ZDHHC17: variants seen among roughly 807,000 people sequenced by gnomAD.
ZDHHC17 encodes zDHHC palmitoyltransferase 17.
ZDHHC17 carries 40 observed loss-of-function variants against 90.3 expected under a neutral mutation model. That is an observed-to-expected ratio of 0.44 (90% CI 0.34 to 0.58). The LOEUF (loss-of-function observed/expected upper bound fraction) is 0.58, where lower values mean the gene tolerates loss of function less well. Among genes scored for constraint, ZDHHC17 ranks in the 20% least tolerant of loss-of-function variants. The pLI, the probability that ZDHHC17 is intolerant of heterozygous loss-of-function variation, is 0.01. For missense variants in ZDHHC17, 614 were observed against 780.8 expected (o/e 0.79, Z 2.55); for synonymous variants, 235 against 252.4 (o/e 0.93, Z 0.65).
At chr12:76,791,411 G>A (rs1394320299) in intron 1 of ZDHHC17, among the ~76,000 whole-genome samples, 3 of 152,028 alleles carry the variant, frequency 2.0e-5, no homozygotes, top group Admixed American at 2.0e-4. Flanking sequence ...TTCTATGGCT[G>A]TAACAAAATG....
intron 1 of ZDHHC17, among the ~76,000 whole-genome samples, chr12:76,783,103 T>C (rs1451351660): frequency 1.3e-5 from 2 of 152,156 alleles, no homozygotes; most frequent in Non-Finnish European, 2.9e-5. Context: ...AGTAGAAAGT[T>C]AGTCCCCACA....
rs749499823 is a variant in ZDHHC17 at position 76,826,959 on chromosome 12, G to A, written c.949G>A (p.Val317Ile). The change falls in exon 9 of 17, where the codon GTT becomes ATT. Residue 317 changes from valine to isoleucine, a missense_variant. This residue lies in a region of ZDHHC17 where 117 missense variants were observed against 183.6 expected (regional missense o/e 0.64). Transcript: ENST00000426126. ...LGTPFLVIWL[V>I]GFIADLNIDS... ...AACTCCTTTCCTAGTTATTTGGCTG[G>A]TTGGGTTTATAGCAGACCTAAATAT... is the stretch of plus-strand genomic sequence containing the variant. 6 of 1,539,910 alleles carry A rather than the reference G, an allele frequency of 3.9e-6. No individual in the cohort carries two copies. Among genetic ancestry groups the A allele is most frequent in the African/African-American group, 1.4e-5 (1 of 69,752 alleles).
At chr12:76,849,795 G>A (rs1953541202) in intron 16 of ZDHHC17, 2 of 167,498 alleles carry the variant, frequency 1.2e-5, no homozygotes. Flanking sequence ...TTCAGCTTTT[G>A]TGGTGCTGTC....
Position 76,815,938 on chromosome 12 carries a change from T to C in ZDHHC17, c.690T>C (p.His230=), listed in dbSNP as rs754044500. The part of the protein sequence containing the change: ...GDKYHKNTAL[H]WAVLAGNTTV... ...AGTATCACAAAAACACTGCTCTGCA[T>C]TGGGCAGTGCTAGCAGGGAATACCA... Residue 230 remains histidine (H), a synonymous_variant, in exon 7 of 17, where the codon CAT becomes CAC. Coordinates refer to ENST00000426126, the MANE Select transcript of ZDHHC17 (RefSeq NM_015336.4). 3.8e-6 allele frequency: 6 copies of C among 1,585,210 alleles called. No individual in the cohort carries two copies. The highest frequency in any genetic ancestry group is 1.4e-5 in the African/African-American group (1 of 74,060).
intron 5 of ZDHHC17, among the ~76,000 whole-genome samples, chr12:76,810,620 G>T (rs1953008239): frequency 6.6e-6 from 1 of 152,086 alleles, no homozygotes; most frequent in African/African-American, 2.4e-5. Context: ...AGTATTTGTT[G>T]TTGGCAGTCT....
intron 10 of ZDHHC17, among the ~76,000 whole-genome samples, chr12:76,829,166 A>T (rs1243299753): frequency 6.6e-6 from 1 of 152,144 alleles, no homozygotes; most frequent in Non-Finnish European, 1.5e-5. Context: ...AAAACTAAAG[A>T]TAGAACTAAT....
At position 76,809,207 on chromosome 12, in the gene ZDHHC17, A is replaced by C. The variant is rs192325356; in HGVS notation, c.398+87A>C. The C allele has an allele frequency of 1.5e-3, 1,239 of 830,570 alleles. 14 individuals carry two copies. The African/African-American group carries it at 0.021, about 14-fold the overall frequency. 51.5% of individuals were successfully genotyped at this position (830,570 alleles called of 1,614,324 possible). On this transcript the variant is annotated intron_variant, in intron 4 of 16. Coordinates refer to ENST00000426126, the MANE Select transcript of ZDHHC17 (RefSeq NM_015336.4). Reference sequence around the variant, plus strand: ...TTTAAAAAAATGATATACTAAAATGAATAGGAGAGCTTATTATGCCGTTAG... The same window carrying C: ...TTTAAAAAAATGATATACTAAAATGCATAGGAGAGCTTATTATGCCGTTAG...
chr12:76,818,135 T>C lies in ZDHHC17; in HGVS notation c.771+2116T>C, dbSNP rs561105686. On this transcript the variant is annotated intron_variant, in intron 7 of 16. Transcript: ENST00000426126. ...GGAGTGATGGTACTTCTAAAGAAAA[T>C]AAAGTCTAAGGAATTATTGTATTTG... Among the ~76,000 whole-genome samples, 4 of 152,258 alleles carry C rather than the reference T, an allele frequency of 2.6e-5. No homozygotes were observed. In the South Asian group the frequency reaches 8.3e-4, roughly 32 times the overall value.
At position 76,851,583 on chromosome 12, in the gene ZDHHC17, G is replaced by T. The variant is rs1164388534; in HGVS notation, c.*598G>T. 1 of 152,732 alleles carries T rather than the reference G, an allele frequency of 6.5e-6. No individual in the cohort carries two copies. Among genetic ancestry groups the T allele is most frequent in the Non-Finnish European group, 1.5e-5 (1 of 68,128 alleles). 9.5% of individuals were successfully genotyped at this position (152,732 alleles called of 1,614,324 possible). A position where few individuals can be genotyped will look rare whatever the true frequency, so the allele number is the denominator to read the frequency against. ...TAACAATGTTTTGTTTCTATCAGCT[G>T]TTGCAATGCTGATATATTTCTAGTT... On this transcript the variant is annotated 3_prime_UTR_variant, in exon 17 of 17. Coordinates refer to ENST00000426126, the MANE Select transcript of ZDHHC17 (RefSeq NM_015336.4).
Position 76,849,454 on chromosome 12 carries a change from A to G in ZDHHC17, c.1744A>G (p.Ile582Val), listed in dbSNP as rs1311842606. The G allele has an allele frequency of 3.2e-6, 5 of 1,545,102 alleles. No homozygotes were observed. The highest frequency in any genetic ancestry group is 2.5e-5 in the South Asian group (2 of 81,162). ...GCACTTTAAAGTCACAACAACGTCT[A>G]TTGAAAGCCCATTCAAGTATGTACA... Reference protein sequence around the residue: ...YKHFKVTTTSIESPFNHGCVR... With the variant: ...YKHFKVTTTSVESPFNHGCVR... Residue 582 changes from isoleucine (I) to valine (V), a missense_variant, in exon 16 of 17, where the codon ATT becomes GTT. This residue lies in a region of ZDHHC17 where 111 missense variants were observed against 179.8 expected (regional missense o/e 0.62). Transcript: ENST00000426126.
At chr12:76,828,564 C>A in intron 10 of ZDHHC17, 74 bp downstream of exon 10, 2 of 1,302,686 alleles carry the variant, frequency 1.5e-6, no homozygotes, top group Non-Finnish European at 2.2e-6. Context: ...AATAATTTGA[C>A]ATTAGGACTG....
intron 10 of ZDHHC17, among the ~76,000 whole-genome samples, chr12:76,835,220 TTTGTATTTTTA>T (rs1238401453): frequency 6.6e-6 from 1 of 151,506 alleles, no homozygotes; most frequent in Non-Finnish European, 1.5e-5. Flanking sequence ...CTGGCTAATT[TTTGTATTTTTA>T]GTAGAAAAGG....
intron 1 of ZDHHC17, among the ~76,000 whole-genome samples, chr12:76,793,049 T>C (rs1952778302): frequency 6.6e-6 from 1 of 152,210 alleles, no homozygotes; most frequent in South Asian, 2.1e-4. Flanking sequence ...TGCTTCCAAG[T>C]TCAGCCTGTT....
intron 2 of ZDHHC17, among the ~76,000 whole-genome samples, chr12:76,799,285 T>C (rs1421216358): frequency 6.6e-6 from 1 of 152,254 alleles, no homozygotes; most frequent in Non-Finnish European, 1.5e-5. Flanking sequence ...GTATCTGTTA[T>C]GCCAGTAGGT....
chr12:76,828,221 G>T (rs560694395), intron 9 of ZDHHC17, among the ~76,000 whole-genome samples, 169 bp from the exon 10 acceptor site: 26 of 152,204 alleles, frequency 1.7e-4, no homozygotes, highest in African/African-American at 6.3e-4. Context: ...GAGTCTTTCA[G>T]CTGTGAACTA....
chr12:76,782,896 C>T (rs1240671010), intron 1 of ZDHHC17, among the ~76,000 whole-genome samples: 3 of 151,896 alleles, frequency 2.0e-5, no homozygotes, highest in Non-Finnish European at 2.9e-5. Flanking sequence ...ACATCAGGGG[C>T]GGGGGATTCT....
chr12:76,847,703 CAA>C (rs1319797186), intron 14 of ZDHHC17, among the ~76,000 whole-genome samples: 6 of 151,984 alleles, frequency 3.9e-5, no homozygotes, highest in Non-Finnish European at 7.4e-5. Flanking sequence ...ACAAAAAATA[CAA>C]AAATTAGCCC....
rs534119641 is a variant in ZDHHC17, at chr12:76,851,937, A to G, written c.*952A>G. 1 of 152,658 alleles carries G rather than the reference A, an allele frequency of 6.6e-6. No homozygotes were observed. The highest frequency in any genetic ancestry group is 1.5e-5 in the Non-Finnish European group (1 of 68,034). The allele number at this position is 152,658 out of a possible 1,614,324, so 9.5% of individuals were successfully genotyped here. ...GCTGCAAAATAATTGTAGACAAAAT[A>G]ATGGCATTTAACTAAAGATGGAGCA... On this transcript the variant is annotated 3_prime_UTR_variant, in exon 17 of 17. Transcript: ENST00000426126.
chr12:76,820,512 T>C (rs533827435), intron 7 of ZDHHC17, among the ~76,000 whole-genome samples: 35 of 152,330 alleles, frequency 2.3e-4, no homozygotes, highest in Non-Finnish European at 4.3e-4. Flanking sequence ...CAAGCAGTTA[T>C]AATCTTTTCT....
Sources: allele counts gnomAD v4.1 joint callset (sites outside exome capture counted in the v4.1 genomes callset), GRCh38; gene constraint gnomAD v4.1.1; regional missense constraint gnomAD v4.1.1; transcripts MANE v1.5; gene names NCBI Gene and HGNC (gene_info 2026-07-23, HGNC 2026-07-21).